RARB: variants seen among roughly 807,000 people sequenced by gnomAD.
The protein encoded by RARB is HBV-activated protein.
A neutral mutation model predicts 51.9 loss-of-function variants in RARB; 17 were observed. That is an observed-to-expected ratio of 0.33 (90% CI 0.22 to 0.49). The LOEUF is 0.49. Ranked by LOEUF, RARB falls within the 20% of genes least tolerant of loss-of-function variation. The pLI, the probability that RARB is intolerant of heterozygous loss-of-function variation, is 0.99. For synonymous variants in RARB, 215 were observed against 195.4 expected (o/e 1.10, Z -0.84); for missense variants, 369 against 550.8 (o/e 0.67, Z 3.30).
chr3:25,135,376 T>C (rs1343508952), intron 4 of RARB, among the ~76,000 whole-genome samples: 3 of 152,000 alleles, frequency 2.0e-5, no homozygotes. Flanking sequence ...TTCTATTTCC[T>C]TGGGAATTAT....
chr3:25,217,503 C>A (rs1015928469), intron 5 of RARB, among the ~76,000 whole-genome samples: 1 of 152,012 alleles, frequency 6.6e-6, no homozygotes, highest in Non-Finnish European at 1.5e-5. Flanking sequence ...CCCACCCCCC[C>A]CAATTCTGAT....
At chr3:25,122,353 C>T (rs1699797590) in intron 3 of RARB, among the ~76,000 whole-genome samples, 3 of 151,710 alleles carry the variant, frequency 2.0e-5, no homozygotes, top group African/African-American at 7.3e-5. Flanking sequence ...CTTACTAGAT[C>T]ATCAGGACAT....
chr3:25,111,466 A>G (rs1170165523), intron 3 of RARB, among the ~76,000 whole-genome samples: 1 of 152,102 alleles, frequency 6.6e-6, no homozygotes, highest in Non-Finnish European at 1.5e-5. Flanking sequence ...CTGATTTAAA[A>G]TCATTTCTGA....
chr3:25,362,593 C>T (rs1390789843), intron 5 of RARB, among the ~76,000 whole-genome samples: 1 of 152,198 alleles, frequency 6.6e-6, no homozygotes, highest in Non-Finnish European at 1.5e-5. Flanking sequence ...ACCCAGGGCA[C>T]TTGTGGGGTA....
chr3:25,465,555 G>C (rs994878005), intron 2 of RARB, among the ~76,000 whole-genome samples: 2 of 152,152 alleles, frequency 1.3e-5, no homozygotes, highest in African/African-American at 4.8e-5. Context: ...CTAGGGACTG[G>C]GTGACAGTCT....
intron 5 of RARB, among the ~76,000 whole-genome samples, chr3:25,321,869 T>A (rs1171342991): frequency 9.7e-5 from 14 of 143,678 alleles, no homozygotes; most frequent in East Asian, 4.1e-4. Flanking sequence ...CTCTAAAATT[T>A]AAAAAAAAAA....
At chr3:25,076,142 A>AT (rs1410701899) in intron 3 of RARB, among the ~76,000 whole-genome samples, 1 of 89,698 alleles carries the variant, frequency 1.1e-5, no homozygotes, top group Non-Finnish European at 2.5e-5. Flanking sequence ...AGAAGCAGTT[A>AT]TTTATTTTTT....
intron 2 of RARB, among the ~76,000 whole-genome samples, chr3:25,489,022 T>A (rs889676996): frequency 2.6e-5 from 4 of 152,186 alleles, no homozygotes; most frequent in African/African-American, 9.7e-5. Context: ...AAAAATTAAT[T>A]GTGTGTGTTC....
At chr3:25,245,023 C>T (rs1473559741) in intron 5 of RARB, among the ~76,000 whole-genome samples, 2 of 152,140 alleles carry the variant, frequency 1.3e-5, no homozygotes, top group Non-Finnish European at 2.9e-5. Context: ...GAATAGTTAG[C>T]TCTTCTTGTT....
At chr3:25,593,165 CTTT>C (rs200612408) in intron 5 of RARB, among the ~76,000 whole-genome samples, 3 of 145,022 alleles carry the variant, frequency 2.1e-5, no homozygotes, top group East Asian at 2.0e-4. Flanking sequence ...TCTTATTCAT[CTTT>C]TTTTTTTTTT....
At chr3:25,311,942 T>C (rs535863993) in intron 5 of RARB, among the ~76,000 whole-genome samples, 2 of 151,966 alleles carry the variant, frequency 1.3e-5, no homozygotes, top group Non-Finnish European at 2.9e-5. Context: ...GAAATCCCAA[T>C]ACAAAAGTTC....
At chr3:25,012,734 G>A (rs1697425234) in intron 2 of RARB, among the ~76,000 whole-genome samples, 1 of 152,046 alleles carries the variant, frequency 6.6e-6, no homozygotes, top group South Asian at 2.1e-4. Context: ...AGTGGGAAAA[G>A]TAATCTATGC....
At chr3:25,002,205 C>T (rs1697175589) in intron 2 of RARB, among the ~76,000 whole-genome samples, 1 of 152,210 alleles carries the variant, frequency 6.6e-6, no homozygotes, top group Non-Finnish European at 1.5e-5. Flanking sequence ...CTTTCTGTAA[C>T]AGCATGTGGT....
intron 5 of RARB, chr3:25,259,958 C>G: frequency 1.0e-6 from 1 of 985,324 alleles, no homozygotes; most frequent in Non-Finnish European, 1.2e-6. Flanking sequence ...GGGGGGCAGT[C>G]AGTGTGGAGC....
At chr3:25,232,389 A>G (rs537049658) in intron 5 of RARB, among the ~76,000 whole-genome samples, 1 of 152,268 alleles carries the variant, frequency 6.6e-6, no homozygotes, top group African/African-American at 2.4e-5. Context: ...CATTGAATCT[A>G]TAGATTCATT....
chr3:25,425,137 A>G (rs1707955635), upstream of RARB, among the ~76,000 whole-genome samples: 1 of 152,248 alleles, frequency 6.6e-6, no homozygotes, highest in South Asian at 2.1e-4. Context: ...TGCCATAACA[A>G]GAAGATATTT....
intron 2 of RARB, among the ~76,000 whole-genome samples, chr3:24,894,294 C>T (rs1703439695): frequency 1.3e-5 from 2 of 148,528 alleles, no homozygotes; most frequent in African/African-American, 2.5e-5. Flanking sequence ...CTCTCTCTAC[C>T]ATCTAGTGGC....
intron 3 of RARB, among the ~76,000 whole-genome samples, chr3:25,106,719 T>A (rs1488637542): frequency 1.3e-5 from 2 of 151,936 alleles, no homozygotes; most frequent in Non-Finnish European, 2.9e-5. Context: ...ACTTTCCTAC[T>A]TTCTTAAGCA....
At chr3:25,572,970 C>T (rs1030321877) in intron 4 of RARB, among the ~76,000 whole-genome samples, 9 of 152,230 alleles carry the variant, frequency 5.9e-5, no homozygotes, top group Admixed American at 2.6e-4. Flanking sequence ...CTGGTGTGAC[C>T]GGGATTCCTA....
Sources: allele counts gnomAD v4.1 joint callset (sites outside exome capture counted in the v4.1 genomes callset), GRCh38; gene constraint gnomAD v4.1.1; transcripts MANE v1.5; gene names NCBI Gene and HGNC (gene_info 2026-07-23, HGNC 2026-07-21).